The following SPAG17 variants were observed in gnomAD, a reference collection of about 807,000 sequenced individuals.
SPAG17 encodes sperm-associated antigen 17.
Under a neutral mutation model 273.6 loss-of-function variants are expected in SPAG17, and 169 were observed. The observed-to-expected ratio is 0.62, with a 90% CI of 0.55 to 0.70. The LOEUF (loss-of-function observed/expected upper bound fraction) is 0.70, where lower values mean the gene tolerates loss of function less well. Among genes scored for constraint, SPAG17 ranks in the 30% least tolerant of loss-of-function variants. The pLI, the probability that SPAG17 is intolerant of heterozygous loss-of-function variation, is 0.00. For missense variants in SPAG17, 2,557 were observed against 2,627.8 expected (o/e 0.97, Z 0.59); for synonymous variants, 825 against 873.2 (o/e 0.94, Z 0.97).
At chr1:118,108,556 G>T (rs1014903959) in intron 4 of SPAG17, among the ~76,000 whole-genome samples, 5 of 152,048 alleles carry the variant, frequency 3.3e-5, no homozygotes, top group Admixed American at 3.3e-4. Context: ...AAGGTCATTA[G>T]CTCACAACTT....
rs768047845 is a variant in SPAG17, at chr1:117,992,512, T to C, written c.5315A>G (p.Glu1772Gly). 5.0e-6 allele frequency: 8 copies of C among 1,613,644 alleles called. No homozygotes were observed. The highest frequency in any genetic ancestry group is 6.8e-6 in the Non-Finnish European group (8 of 1,179,786). ...VLQMRQFIQH[E>G]VIKNEVKLRL... ...CAGTTTCACCTCATTCTTTATGACC[T>C]CATGCTGAATGAATTGGCGCATCTG... The change falls in exon 36 of 49, where the codon GAG (glutamate) becomes GGG (glycine). Residue 1772 changes from glutamate (E) to glycine (G), a missense_variant. Physicochemically the swap from Glu to Gly is moderately conservative, Grantham distance 98 (BLOSUM62 -2). Transcript: ENST00000336338.
chr1:118,083,643 C>T (rs749151132), intron 13 of SPAG17, among the ~76,000 whole-genome samples: 9 of 151,916 alleles, frequency 5.9e-5, no homozygotes, highest in South Asian at 2.1e-4. Context: ...AAATTAGCTG[C>T]GCATGATGGC....
intron 7 of SPAG17, among the ~76,000 whole-genome samples, chr1:118,095,180 G>T (rs528711923): frequency 2.1e-3 from 326 of 152,266 alleles, no homozygotes; most frequent in African/African-American, 7.6e-3. Context: ...TCTTTAAAAG[G>T]AAGTGATTAA....
chr1:118,040,614 T>A (rs1649631121), intron 22 of SPAG17, 116 bp downstream of exon 22: 1 of 675,858 alleles, frequency 1.5e-6, no homozygotes, highest in African/African-American at 1.8e-5. Context: ...CACCTAAATG[T>A]ATTGTGGGGG....
chr1:117,984,787 TTGATGTTTCCA>T lies in SPAG17; in HGVS notation c.5670-16_5670-6del, dbSNP rs1264750716. Reference sequence around the variant, plus strand: ...TGTGTTGTCTCAATTTCCTTCCTGGTTGATGTTTCCATGATGATGCAAAAGAAGACATAGAA... The same window carrying T: ...TGTGTTGTCTCAATTTCCTTCCTGGTTGATGATGCAAAAGAAGACATAGAA... On this transcript the variant is annotated splice_polypyrimidine_tract_variant and splice_region_variant and intron_variant, in intron 40 of 48. Coordinates refer to ENST00000336338, the MANE Select transcript of SPAG17 (RefSeq NM_206996.4). 1 of 1,562,204 alleles carries T rather than the reference TTGATGTTTCCA, an allele frequency of 6.4e-7. No homozygotes were observed. Among genetic ancestry groups the T allele is most frequent in the Admixed American group, 1.7e-5 (1 of 59,648 alleles).
At chr1:117,976,565 T>C (rs1439587770) in intron 43 of SPAG17, among the ~76,000 whole-genome samples, 2 of 152,212 alleles carry the variant, frequency 1.3e-5, no homozygotes. Flanking sequence ...CATGTGCTTC[T>C]GCTGGACTCT....
At chr1:117,978,863 C>T (rs898547922) in intron 43 of SPAG17, among the ~76,000 whole-genome samples, 18 of 141,466 alleles carry the variant, frequency 1.3e-4, no homozygotes, top group African/African-American at 4.6e-4. Context: ...CTGGCTTCTT[C>T]CTCTTCTTTT....
At chr1:118,106,036 C>T (rs1274921800) in intron 4 of SPAG17, among the ~76,000 whole-genome samples, 2 of 152,078 alleles carry the variant, frequency 1.3e-5, no homozygotes, top group Non-Finnish European at 2.9e-5. Context: ...AAACTAACTC[C>T]CTAGTTAAGA....
chr1:117,984,599 GA>G, intron 41 of SPAG17, 83 bp downstream of exon 41: 2 of 867,122 alleles, frequency 2.3e-6, no homozygotes, highest in South Asian at 3.4e-5. Flanking sequence ...ACAGCATCAG[GA>G]AAGACAGATT....
chr1:117,972,360 C>T (rs1386730372), intron 44 of SPAG17, among the ~76,000 whole-genome samples: 1 of 152,220 alleles, frequency 6.6e-6, no homozygotes, highest in Non-Finnish European at 1.5e-5. Flanking sequence ...GGTCATCAAA[C>T]GTTAGCTTCC....
At position 118,175,572 on chromosome 1, in the gene SPAG17, T is replaced by C. The variant is rs557661437; in HGVS notation, c.87+9499A>G. Reference sequence around the variant, plus strand: ...AGGGATTCGGGTGACATTTTCAAAGTACAAAAAAAAAAAAAAAAAACTGCC... The same window carrying C: ...AGGGATTCGGGTGACATTTTCAAAGCACAAAAAAAAAAAAAAAAAACTGCC... On this transcript the variant is annotated intron_variant, in intron 1 of 48. Transcript: ENST00000336338. Among the ~76,000 whole-genome samples the C allele has an allele frequency of 6.9e-3, 466 of 67,472 alleles. 3 individuals carry two copies. The highest frequency in any genetic ancestry group is 0.01 in the Non-Finnish European group (325 of 32,310). The allele number at this position is 67,472 out of a possible 152,430, so 44.3% of individuals were successfully genotyped here.
rs923976626 is a variant in SPAG17 at position 118,031,625 on chromosome 1, A to G, written c.3609+67T>C. The G allele has an allele frequency of 3.3e-6, 5 of 1,499,978 alleles. No individual in the cohort carries two copies. The African/African-American group carries it at 5.6e-5, about 17-fold the overall frequency. 92.9% of individuals were successfully genotyped at this position (1,499,978 alleles called of 1,614,324 possible). A position where few individuals can be genotyped will look rare whatever the true frequency, so the allele number is the denominator to read the frequency against. ...TATAATAACACTATTGACATAAGTC[A>G]TGGTTTTAAAAAAGTTAACACTGAA... On this transcript the variant is annotated intron_variant, in intron 25 of 48. Transcript: ENST00000336338.
chr1:118,149,916 C>T (rs1352295256), intron 3 of SPAG17, among the ~76,000 whole-genome samples: 1 of 152,144 alleles, frequency 6.6e-6, no homozygotes, highest in Non-Finnish European at 1.5e-5. Context: ...GAAGAAATCC[C>T]CTTATACGGA....
At chr1:118,032,837 G>A (rs71670816) in intron 24 of SPAG17, among the ~76,000 whole-genome samples, 4,278 of 151,908 alleles carry the variant, frequency 0.028, 86 homozygotes, top group Non-Finnish European at 0.043. Context: ...CAAGTGATCC[G>A]CCCACCTCGG....
intron 30 of SPAG17, among the ~76,000 whole-genome samples, chr1:118,011,428 G>C (rs74708529): frequency 6.6e-6 from 1 of 152,058 alleles, no homozygotes; most frequent in Non-Finnish European, 1.5e-5. Flanking sequence ...GCTGGAAAAC[G>C]CATGGAGCTG....
At chr1:118,054,818 A>G (rs1651476170) in intron 19 of SPAG17, among the ~76,000 whole-genome samples, 1 of 152,008 alleles carries the variant, frequency 6.6e-6, no homozygotes, top group Non-Finnish European at 1.5e-5. Flanking sequence ...TTTGGTCAAT[A>G]TGGTAAAAGT....
intron 1 of SPAG17, among the ~76,000 whole-genome samples, chr1:118,162,759 G>GT (rs921797694): frequency 4.6e-5 from 7 of 151,364 alleles, no homozygotes; most frequent in Admixed American, 1.3e-4. Flanking sequence ...TCTGCAATTT[G>GT]TTTTTTTTCC....
chr1:118,065,595 G>A (rs1652871447), intron 18 of SPAG17, among the ~76,000 whole-genome samples: 1 of 151,992 alleles, frequency 6.6e-6, no homozygotes, highest in African/African-American at 2.4e-5. Flanking sequence ...CAATTATAAA[G>A]AAGATAACAT....
At chr1:118,114,845 T>C (rs545084961) in intron 4 of SPAG17, among the ~76,000 whole-genome samples, 67 of 152,252 alleles carry the variant, frequency 4.4e-4, no homozygotes, top group African/African-American at 1.3e-3. Context: ...AAGTGATGGA[T>C]TGCTGCTGAA....
Sources: gnomAD v4.1 joint callset for allele counts (sites outside exome capture counted in the v4.1 genomes callset) on GRCh38, gnomAD v4.1.1 for gene constraint, MANE v1.5 for transcripts, NCBI Gene and HGNC (gene_info 2026-07-23, HGNC 2026-07-21) for gene names.